Variants in NUDT6 observed in about 807,000 individuals in gnomAD.
The protein encoded by NUDT6 is nudix hydrolase 6.
A neutral mutation model predicts 36.8 loss-of-function variants in NUDT6; 24 were observed. The observed-to-expected ratio is 0.65, with a 90% CI of 0.47 to 0.92. NUDT6 has a LOEUF of 0.92. NUDT6 is among the 40% of genes least tolerant of loss of function. The probability of loss-of-function intolerance (pLI) is 0.00; values close to 1 mark genes in which losing one functional copy is unlikely to be tolerated. For missense variants in NUDT6, 388 were observed against 392.8 expected (o/e 0.99, Z 0.10); for synonymous variants, 163 against 157.0 (o/e 1.04, Z -0.29).
In NUDT6 at chr4:122,892,630, A is replaced by T; in HGVS notation, c.*198T>A. Reference sequence around the variant, plus strand: ...CATCTGCTGTTACCCAGTGAAGCTTACCTAGAGCAATGATCTTTTTCACGC... The same window carrying T: ...CATCTGCTGTTACCCAGTGAAGCTTTCCTAGAGCAATGATCTTTTTCACGC... On this transcript the variant is annotated 3_prime_UTR_variant, in exon 5 of 5. Coordinates refer to ENST00000304430, the MANE Select transcript of NUDT6 (RefSeq NM_007083.5). 7.0e-7 allele frequency: 1 copy of T among 1,426,248 alleles called. No individual in the cohort carries two copies. The highest frequency in any genetic ancestry group is 9.2e-7 in the Non-Finnish European group (1 of 1,092,346). 88.3% of individuals were successfully genotyped at this position (1,426,248 alleles called of 1,614,324 possible).
intron 3 of NUDT6, among the ~76,000 whole-genome samples, chr4:122,906,887 T>G (rs34848742): frequency 0.64 from 96,494 of 151,776 alleles, 34,664 homozygotes; most frequent in East Asian, 0.95. Flanking sequence ...CTAATTATAG[T>G]GCATTAGCAT....
Position 122,915,487 on chromosome 4 carries a change from A to C in NUDT6, c.442+2014T>G, listed in dbSNP as rs76314299. 6.0e-3 allele frequency among the ~76,000 whole-genome samples: 840 copies of C among 139,508 alleles called. 20 individuals are homozygous for C. Among genetic ancestry groups the C allele is most frequent in the South Asian group, 0.019 (75 of 3,970 alleles). 91.5% of individuals were successfully genotyped at this position (139,508 alleles called of 152,430 possible). ...CCTGCCTCAAAAAAAAAAAAAAAAA[A>C]AAAAAAAAAAACAACTCTGCACCTT... On this transcript the variant is annotated intron_variant, in intron 2 of 4. Coordinates refer to ENST00000304430, the MANE Select transcript of NUDT6 (RefSeq NM_007083.5).
intron 3 of NUDT6, among the ~76,000 whole-genome samples, chr4:122,909,200 G>A (rs1043420064): frequency 4.0e-5 from 6 of 151,800 alleles, no homozygotes; most frequent in South Asian, 2.1e-4. Flanking sequence ...CAAGTAGCTG[G>A]GACCATAGGT....
At chr4:122,894,176 A>G (rs569432713) in intron 4 of NUDT6, 2 of 152,364 alleles carry the variant, frequency 1.3e-5, no homozygotes, top group South Asian at 4.1e-4. Context: ...GATGCATAGA[A>G]AGAGTATAAT....
intron 3 of NUDT6, among the ~76,000 whole-genome samples, chr4:122,899,981 A>T (rs1727479226): frequency 1.3e-5 from 2 of 151,876 alleles, no homozygotes; most frequent in African/African-American, 4.8e-5. Context: ...GCGGGCATTT[A>T]CTCAGTACAG....
intron 4 of NUDT6, chr4:122,897,384 T>C: frequency 2.0e-6 from 1 of 498,600 alleles, no homozygotes; most frequent in Non-Finnish European, 3.6e-6. Flanking sequence ...CCAGAAGCAG[T>C]CATAAACAGA....
chr4:122,895,340 T>A (rs1022957677), intron 4 of NUDT6: 1 of 152,208 alleles, frequency 6.6e-6, no homozygotes, highest in African/African-American at 2.4e-5. Flanking sequence ...TGAAGAGATA[T>A]GTTTAAATAT....
chr4:122,902,267 G>A (rs1040429999), intron 3 of NUDT6, among the ~76,000 whole-genome samples: 1 of 152,026 alleles, frequency 6.6e-6, no homozygotes, highest in Non-Finnish European at 1.5e-5. Context: ...AATGTATATT[G>A]GGCATACCGA....
chr4:122,922,401 C>G lies in NUDT6; in HGVS notation c.172G>C (p.Val58Leu), dbSNP rs755434657. 6.2e-7 allele frequency: 1 copy of G among 1,610,196 alleles called. No individual in the cohort carries two copies. The highest frequency in any genetic ancestry group is 8.5e-7 in the Non-Finnish European group (1 of 1,179,800). Reference protein sequence around the residue: ...GELDRFGGISVRLARLDALDR... With the variant: ...GELDRFGGISLRLARLDALDR... The stretch of plus-strand genomic sequence containing the variant: ...AGCGCATCGAGCCGCGCCAGGCGCA[C>G]CGAGATGCCCCCGAATCTGTCCAGC... Residue 58 changes from valine to leucine, a missense_variant, in exon 1 of 5, where the codon GTG (valine) becomes CTG (leucine). Val to Leu is a conservative substitution (Grantham distance 32, BLOSUM62 1). Coordinates refer to ENST00000304430, the MANE Select transcript of NUDT6 (RefSeq NM_007083.5).
At chr4:122,914,633 G>A (rs1560773437) in intron 2 of NUDT6, among the ~76,000 whole-genome samples, 2 of 152,078 alleles carry the variant, frequency 1.3e-5, no homozygotes, top group Non-Finnish European at 2.9e-5. Flanking sequence ...GCTCTAACTG[G>A]TAGAACTGGG....
At chr4:122,898,054 G>T in intron 3 of NUDT6, 1 of 168,510 alleles carries the variant, frequency 5.9e-6, no homozygotes, top group Non-Finnish European at 1.3e-5. Flanking sequence ...TAAATAAGTA[G>T]AAAATATAAA....
At chr4:122,899,496 A>G (rs45596534) in intron 3 of NUDT6, among the ~76,000 whole-genome samples, 2,159 of 152,246 alleles carry the variant, frequency 0.014, 56 homozygotes, top group African/African-American at 0.049. Context: ...AAAAAGTTTG[A>G]GCCTGAGTAT....
intron 3 of NUDT6, among the ~76,000 whole-genome samples, chr4:122,898,995 C>A (rs1482222433): frequency 6.9e-6 from 1 of 145,202 alleles, no homozygotes; most frequent in Non-Finnish European, 1.5e-5. Context: ...GATCCTCCCA[C>A]CTCAGCCTCC....
In NUDT6 at chr4:122,892,737, A is replaced by G. The variant is rs1239199050; in HGVS notation, c.*91T>C. Reference sequence around the variant, plus strand: ...TTCATGGAAATCATATACATTAGAAAATCACAGTCAGATGTTTAATCAATC... The same window carrying G: ...TTCATGGAAATCATATACATTAGAAGATCACAGTCAGATGTTTAATCAATC... On this transcript the variant is annotated 3_prime_UTR_variant, in exon 5 of 5. Coordinates refer to ENST00000304430, the MANE Select transcript of NUDT6 (RefSeq NM_007083.5). 3 of 1,347,004 alleles carry G rather than the reference A, an allele frequency of 2.2e-6. No homozygotes were observed. Among genetic ancestry groups the G allele is most frequent in the Non-Finnish European group, 3.0e-6 (3 of 1,003,452 alleles). 83.4% of individuals were successfully genotyped at this position (1,347,004 alleles called of 1,614,324 possible). A position where few individuals can be genotyped will look rare whatever the true frequency, so the allele number is the denominator to read the frequency against.
At chr4:122,919,419 A>T (rs1727921039) in intron 1 of NUDT6, 1 of 152,174 alleles carries the variant, frequency 6.6e-6, no homozygotes, top group Non-Finnish European at 1.5e-5. Context: ...GTTTCATCAT[A>T]TTGGCCAGGA....
At chr4:122,904,722 G>A (rs757811401) in intron 3 of NUDT6, among the ~76,000 whole-genome samples, 1 of 152,110 alleles carries the variant, frequency 6.6e-6, no homozygotes, top group Non-Finnish European at 1.5e-5. Flanking sequence ...CCAAAGTGCT[G>A]GGATTACAGG....
intron 2 of NUDT6, among the ~76,000 whole-genome samples, chr4:122,914,983 G>A (rs550876036): frequency 5.9e-5 from 9 of 152,186 alleles, no homozygotes; most frequent in African/African-American, 2.2e-4. Flanking sequence ...AAGGAATGAT[G>A]GCACTAGTGT....
chr4:122,922,309 G>T, intron 1 of NUDT6, 26 bp downstream of exon 1: 1 of 1,576,750 alleles, frequency 6.3e-7, no homozygotes, highest in Non-Finnish European at 8.6e-7. Context: ...GGAGCCCCGG[G>T]AGCCCTTCGT....
intron 1 of NUDT6, chr4:122,917,972 A>G (rs1393745163): frequency 7.1e-6 from 3 of 419,972 alleles, no homozygotes; most frequent in Non-Finnish European, 1.3e-5. Context: ...AATGCTTGGC[A>G]CGTAACAGAT....
Sources: allele counts gnomAD v4.1 joint callset (sites outside exome capture counted in the v4.1 genomes callset), GRCh38; gene constraint gnomAD v4.1.1; transcripts MANE v1.5; gene names NCBI Gene and HGNC (gene_info 2026-07-23, HGNC 2026-07-21).